SOX6: variants seen among roughly 807,000 people sequenced by gnomAD.
SOX6 encodes the protein SRY-box transcription factor 6.
In SOX6, 11 loss-of-function variants were observed where a neutral mutation model predicts 97.8. The observed-to-expected ratio is 0.11, with a 90% CI of 0.07 to 0.19. The LOEUF is 0.19. Ranked by LOEUF, SOX6 falls within the 10% of genes least tolerant of loss-of-function variation. The pLI, the probability that SOX6 is intolerant of heterozygous loss-of-function variation, is 1.00. For synonymous variants in SOX6, 360 were observed against 371.4 expected (o/e 0.97, Z 0.35); for missense variants, 810 against 1,039.5 (o/e 0.78, Z 3.04).
chr11:16,297,579 C>T (rs1565076515), intron 3 of SOX6, among the ~76,000 whole-genome samples: 1 of 152,188 alleles, frequency 6.6e-6, no homozygotes, highest in Non-Finnish European at 1.5e-5. Context: ...TCCTAACAAG[C>T]AGTTCCAGCT....
chr11:16,523,544 T>C (rs1861105869), intron 4 of SOX6, among the ~76,000 whole-genome samples: 1 of 151,646 alleles, frequency 6.6e-6, no homozygotes, highest in African/African-American at 2.4e-5. Flanking sequence ...AGATCTAAAA[T>C]TGACACCCTA....
chr11:16,042,189 C>A (rs1405266121), intron 12 of SOX6, among the ~76,000 whole-genome samples: 1 of 152,092 alleles, frequency 6.6e-6, no homozygotes, highest in African/African-American at 2.4e-5. Context: ...AGAACTGAGA[C>A]CCAGGATTAA....
At chr11:16,324,597 A>G (rs559400262) in intron 2 of SOX6, among the ~76,000 whole-genome samples, 2 of 152,256 alleles carry the variant, frequency 1.3e-5, no homozygotes, top group African/African-American at 4.8e-5. Flanking sequence ...TGGATACATA[A>G]TAGTTGTCCA....
At chr11:16,339,910 A>G (rs1309278424) in intron 2 of SOX6, among the ~76,000 whole-genome samples, 1 of 152,108 alleles carries the variant, frequency 6.6e-6, no homozygotes, top group East Asian at 1.9e-4. Context: ...CCTACTCAAG[A>G]AAAATAAATC....
chr11:15,980,625 CT>C (rs545399228), intron 15 of SOX6, among the ~76,000 whole-genome samples: 48 of 151,968 alleles, frequency 3.2e-4, no homozygotes, highest in African/African-American at 1.1e-3. Flanking sequence ...TAGGCTGCTT[CT>C]TTTTTTTACT....
intron 6 of SOX6, among the ~76,000 whole-genome samples, chr11:16,131,889 T>C (rs1467991334): frequency 6.6e-6 from 1 of 152,046 alleles, no homozygotes; most frequent in Non-Finnish European, 1.5e-5. Flanking sequence ...GTGATATCAA[T>C]GAATAGGCCC....
At chr11:16,325,426 T>C (rs1856057587) in intron 2 of SOX6, among the ~76,000 whole-genome samples, 1 of 152,162 alleles carries the variant, frequency 6.6e-6, no homozygotes, top group Non-Finnish European at 1.5e-5. Flanking sequence ...CTTTTTTGCT[T>C]ATCTGTGTTT....
upstream of SOX6, among the ~76,000 whole-genome samples, chr11:16,357,365 T>C (rs1857101545): frequency 6.6e-6 from 1 of 152,130 alleles, no homozygotes; most frequent in Admixed American, 6.6e-5. Context: ...GAAATACGAT[T>C]TCTGTGCGGG....
chr11:16,314,313 T>A (rs961370550), intron 3 of SOX6: 2 of 152,208 alleles, frequency 1.3e-5, no homozygotes, highest in African/African-American at 4.8e-5. Flanking sequence ...TTTCTGTCTA[T>A]ATAAATCCTT....
chr11:16,338,327 A>G (rs545786851), intron 2 of SOX6, among the ~76,000 whole-genome samples: 54 of 152,072 alleles, frequency 3.6e-4, no homozygotes, highest in Middle Eastern at 3.4e-3. Context: ...TAAATTTTAT[A>G]TTAGCAGAGT....
At chr11:16,656,209 C>G (rs887321471) in intron 3 of SOX6, among the ~76,000 whole-genome samples, 1 of 152,092 alleles carries the variant, frequency 6.6e-6, no homozygotes, top group South Asian at 2.1e-4. Context: ...TTCAGAGTAG[C>G]TGGGATTACA....
At chr11:16,115,516 C>T (rs957429366) in intron 6 of SOX6, among the ~76,000 whole-genome samples, 4 of 152,154 alleles carry the variant, frequency 2.6e-5, no homozygotes, top group African/African-American at 9.7e-5. Context: ...TGACAGTGTA[C>T]ATTTCTAAAA....
At chr11:16,331,800 T>C (rs1340408735) in intron 2 of SOX6, among the ~76,000 whole-genome samples, 1 of 152,110 alleles carries the variant, frequency 6.6e-6, no homozygotes, top group African/African-American at 2.4e-5. Flanking sequence ...AAATTAAAAG[T>C]CTAACTGCAA....
At chr11:16,003,412 G>A (rs1185991267) in intron 13 of SOX6, among the ~76,000 whole-genome samples, 4 of 152,032 alleles carry the variant, frequency 2.6e-5, no homozygotes, top group Non-Finnish European at 5.9e-5. Context: ...AGAATAAGTA[G>A]CTTAGGCTCT....
chr11:16,039,991 A>G (rs1855616797), intron 12 of SOX6, among the ~76,000 whole-genome samples: 1 of 151,972 alleles, frequency 6.6e-6, no homozygotes, highest in African/African-American at 2.4e-5. Context: ...ACTACCTGCC[A>G]TAATGGGAGG....
chr11:15,985,768 G>A (rs542795658), intron 15 of SOX6, among the ~76,000 whole-genome samples: 12 of 152,182 alleles, frequency 7.9e-5, no homozygotes, highest in African/African-American at 2.6e-4. Context: ...AACCAATGTC[G>A]AGGCCAATTA....
chr11:15,999,992 G>T (rs1237460415), intron 13 of SOX6, among the ~76,000 whole-genome samples: 2 of 152,116 alleles, frequency 1.3e-5, no homozygotes, highest in Admixed American at 6.5e-5. Context: ...ATACTACACA[G>T]ATTTGATTTT....
intron 1 of SOX6, among the ~76,000 whole-genome samples, chr11:16,435,388 C>T (rs1859356864): frequency 6.6e-6 from 1 of 152,078 alleles, no homozygotes; most frequent in African/African-American, 2.4e-5. Context: ...AAATATAAAA[C>T]ACCAACTTGC....
intron 4 of SOX6, among the ~76,000 whole-genome samples, chr11:16,596,214 G>T (rs764036866): frequency 6.6e-6 from 1 of 152,190 alleles, no homozygotes; most frequent in Non-Finnish European, 1.5e-5. Context: ...CTGATCATCA[G>T]TTCATATATT....
Sources: allele counts gnomAD v4.1 joint callset (sites outside exome capture counted in the v4.1 genomes callset), GRCh38; gene constraint gnomAD v4.1.1; transcripts MANE v1.5; gene names NCBI Gene and HGNC (gene_info 2026-07-23, HGNC 2026-07-21).